Variants in RYR3 observed in about 807,000 individuals in gnomAD.
The protein encoded by RYR3 is ryanodine receptor 3.
A neutral mutation model predicts 584.3 loss-of-function variants in RYR3; 207 were observed. The observed-to-expected ratio is 0.35, with a 90% confidence interval of 0.32 to 0.40. The LOEUF is 0.40. Ranked by LOEUF, RYR3 falls within the 10% of genes least tolerant of loss-of-function variation. RYR3 has a pLI of 1.00. For synonymous variants in RYR3, 2,416 were observed against 2,248.5 expected (o/e 1.07, Z -2.11); for missense variants, 5,616 against 6,089.2 (o/e 0.92, Z 2.59).
intron 18 of RYR3, 117 bp from the exon 19 acceptor site, chr15:33,613,066 C>T (rs752905428): frequency 2.8e-5 from 19 of 682,110 alleles, no homozygotes; most frequent in Middle Eastern, 3.9e-4. Context: ...GTAGTACCTC[C>T]GGACCTCTTG....
intron 16 of RYR3, 110 bp from the exon 17 acceptor site, chr15:33,601,309 C>A: frequency 1.8e-6 from 2 of 1,123,304 alleles, no homozygotes; most frequent in Non-Finnish European, 2.6e-6. Flanking sequence ...GCTCTCTACC[C>A]GTCACCTAGC....
intron 63 of RYR3, among the ~76,000 whole-genome samples, chr15:33,773,175 A>G (rs528831724): frequency 6.6e-6 from 1 of 152,350 alleles, no homozygotes; most frequent in Admixed American, 6.5e-5. Flanking sequence ...TTCCAAAGGA[A>G]GGAAATATTG....
rs1335026716 is a variant in RYR3 at position 33,769,159 on chromosome 15, A to G, written c.8803A>G (p.Thr2935Ala). ...MVSCLHILAQ[T>A]LDTRTVMKSG... ...GAGCTGTCTTCACATCTTAGCTCAG[A>G]CACTTGACACAAGGTAAGTCTGCCC... The change falls in exon 62 of 104, where the codon ACA (threonine) becomes GCA (alanine). Residue 2935 changes from threonine to alanine, a missense_variant. Thr to Ala is a moderately conservative substitution (Grantham distance 58). Around this residue, in one of 9 missense-constraint regions of RYR3, gnomAD observed 1,280 missense variants for 1,426.2 expected, o/e 0.90. Coordinates refer to ENST00000634891, the MANE Select transcript of RYR3 (RefSeq NM_001036.6). 1 of 1,613,044 alleles carries G rather than the reference A, an allele frequency of 6.2e-7. No homozygotes were observed. The highest frequency in any genetic ancestry group is 8.5e-7 in the Non-Finnish European group (1 of 1,179,130).
At chr15:33,465,566 T>C (rs965182257) in intron 1 of RYR3, among the ~76,000 whole-genome samples, 6 of 151,760 alleles carry the variant, frequency 4.0e-5, no homozygotes, top group Non-Finnish European at 5.9e-5. Context: ...TAGGCCATAG[T>C]AAGATAAGAA....
At chr15:33,713,410 G>GGGT (rs2071265664) in intron 43 of RYR3, among the ~76,000 whole-genome samples, 1 of 151,998 alleles carries the variant, frequency 6.6e-6, no homozygotes, top group South Asian at 2.1e-4. Context: ...TGATGGTGGT[G>GGGT]GCTGATGATG....
intron 12 of RYR3, among the ~76,000 whole-genome samples, chr15:33,574,146 C>A (rs2058175427): frequency 6.6e-6 from 1 of 152,114 alleles, no homozygotes; most frequent in South Asian, 2.1e-4. Context: ...AGGCTGAGAC[C>A]TGAGATTTCC....
intron 81 of RYR3, 51 bp from the exon 82 acceptor site, chr15:33,825,552 C>T: frequency 2.5e-6 from 3 of 1,216,134 alleles, no homozygotes; most frequent in Non-Finnish European, 2.4e-6. Context: ...TAGAAATCTG[C>T]TTTCCCAGCG....
At position 33,861,186 on chromosome 15, in the gene RYR3, T is replaced by C. The variant is rs1398120710; in HGVS notation, c.14465+8T>C. ...CAACTTAGCCAACTACTTGTGAGTA[T>C]TCTTGGTTAACAAAAGTAATGGCAG... On this transcript the variant is annotated splice_region_variant and intron_variant, in intron 102 of 103. Transcript: ENST00000634891. 2 of 1,571,922 alleles carry C rather than the reference T, an allele frequency of 1.3e-6. No homozygotes were observed. The highest frequency in any genetic ancestry group is 1.7e-6 in the Non-Finnish European group (2 of 1,154,886).
In RYR3 at chr15:33,729,892, C is replaced by G. The variant is rs72713279; in HGVS notation, c.7203+866C>G. ...GTGATGGGTTGTCAGCGGCAAATAC[C>G]TTAACTTGGATGGATTCCACCTGCA... On this transcript the variant is annotated intron_variant, in intron 47 of 103. Transcript: ENST00000634891. 3.9e-3 allele frequency among the ~76,000 whole-genome samples: 586 copies of G among 152,180 alleles called. 3 individuals are homozygous for G. The highest frequency in any genetic ancestry group is 5.9e-3 in the Non-Finnish European group (402 of 67,998).
At chr15:33,610,965 G>A (rs115372078) in intron 18 of RYR3, among the ~76,000 whole-genome samples, 2,397 of 152,200 alleles carry the variant, frequency 0.016, 57 homozygotes, top group African/African-American at 0.052. Context: ...AGAGCATTTC[G>A]CATTTTGGAT....
chr15:33,826,145 T>C, intron 82 of RYR3, 107 bp from the exon 83 acceptor site: 1 of 1,049,536 alleles, frequency 9.5e-7, no homozygotes, highest in Non-Finnish European at 1.5e-6. Context: ...AATAAAGCTA[T>C]CATCTAGGAT....
In RYR3 at chr15:33,485,187, C is replaced by T. The variant is rs138261758; in HGVS notation, c.171+11649C>T. The stretch of plus-strand genomic sequence containing the variant: ...TACCACTTGGAGAAGATGGCATGTC[C>T]ATTAGATAAAGTGACATGGAGGCCA... On this transcript the variant is annotated intron_variant, in intron 2 of 103. Coordinates refer to ENST00000634891, the MANE Select transcript of RYR3 (RefSeq NM_001036.6). Among the ~76,000 whole-genome samples the T allele has an allele frequency of 3.5e-3, 534 of 152,186 alleles. 3 individuals carry two copies. The highest frequency in any genetic ancestry group is 0.012 in the African/African-American group (517 of 41,496).
chr15:33,675,345 A>G (rs2064106002), intron 38 of RYR3, among the ~76,000 whole-genome samples: 1 of 152,252 alleles, frequency 6.6e-6, no homozygotes, highest in African/African-American at 2.4e-5. Context: ...CAGAGTAAGT[A>G]ACTTTCCAAA....
chr15:33,444,807 A>G (rs1214029249), intron 1 of RYR3, among the ~76,000 whole-genome samples: 1 of 152,196 alleles, frequency 6.6e-6, no homozygotes, highest in East Asian at 1.9e-4. Context: ...GAATAAAAGC[A>G]AGACGAGTTA....
At position 33,584,952 on chromosome 15, in the gene RYR3, C is replaced by T. The variant is rs566297232; in HGVS notation, c.1669+462C>T. On this transcript the variant is annotated intron_variant, in intron 15 of 103. Transcript: ENST00000634891. ...AATGATCCCCACTCACCCTCTCTCC[C>T]GTGACTCACCCTTCACATCATATCT... is the stretch of plus-strand genomic sequence containing the variant. Among the ~76,000 whole-genome samples, 8 of 152,184 alleles carry T rather than the reference C, an allele frequency of 5.3e-5. No individual in the cohort carries two copies. The East Asian group carries it at 5.8e-4, about 11-fold the overall frequency.
intron 43 of RYR3, among the ~76,000 whole-genome samples, chr15:33,716,732 T>C (rs533252585): frequency 6.6e-6 from 1 of 152,318 alleles, no homozygotes; most frequent in Admixed American, 6.5e-5. Flanking sequence ...CCAACGATAG[T>C]GATAACTGAG....
intron 6 of RYR3, 143 bp downstream of exon 6, chr15:33,539,605 G>C (rs190261435): frequency 1.0e-5 from 5 of 482,430 alleles, no homozygotes; most frequent in Non-Finnish European, 1.5e-5. Flanking sequence ...ACAATGTAGG[G>C]GTTAGGGATG....
chr15:33,853,561 A>T lies in RYR3; in HGVS notation c.13678A>T (p.Asn4560Tyr), dbSNP rs2079330214. Residue 4560 changes from asparagine to tyrosine, a missense_variant, in exon 96 of 104, where the codon AAC becomes TAC. This residue lies in a region of RYR3 where 918 missense variants were observed against 887.4 expected (regional missense o/e 1.03). Transcript: ENST00000634891. The part of the protein sequence containing the change: ...WDKFVKRKVI[N>Y]KYGDLYGAER... ...CTGTCATCCTTTGCTTCAGGTGATC[A>T]ACAAGTATGGAGATCTCTACGGAGC... The T allele has an allele frequency of 6.2e-7, 1 of 1,613,624 alleles. No individual in the cohort carries two copies. The highest frequency in any genetic ancestry group is 1.1e-5 in the South Asian group (1 of 91,028).
chr15:33,748,363 C>T (rs1322608689), intron 54 of RYR3, 103 bp downstream of exon 54: 12 of 1,533,526 alleles, frequency 7.8e-6, no homozygotes, highest in African/African-American at 1.4e-5. Context: ...CTAAGATGAA[C>T]CCTGGGGAGT....
Sources: allele counts gnomAD v4.1 joint callset (sites outside exome capture counted in the v4.1 genomes callset), GRCh38; gene constraint gnomAD v4.1.1; regional missense constraint gnomAD v4.1.1; transcripts MANE v1.5; gene names NCBI Gene and HGNC (gene_info 2026-07-23, HGNC 2026-07-21).